POU6F2: variants seen among roughly 807,000 people sequenced by gnomAD.
The protein encoded by POU6F2 is POU class 6 homeobox 2.
POU6F2 carries 31 observed loss-of-function variants against 71.3 expected under a neutral mutation model. That is an observed-to-expected ratio of 0.43 (90% CI 0.33 to 0.59). The LOEUF (loss-of-function observed/expected upper bound fraction) is 0.59, where lower values mean the gene tolerates loss of function less well. Among genes scored for constraint, POU6F2 ranks in the 20% least tolerant of loss-of-function variants. The pLI is 0.04. For synonymous variants in POU6F2, 347 were observed against 355.7 expected (o/e 0.98, Z 0.27); for missense variants, 783 against 856.8 (o/e 0.91, Z 1.07).
At chr7:39,384,742 A>T (rs1000781791) in intron 5 of POU6F2, among the ~76,000 whole-genome samples, 1 of 152,158 alleles carries the variant, frequency 6.6e-6, no homozygotes, top group Non-Finnish European at 1.5e-5. Context: ...TCTCTTCCGC[A>T]GTTAGTCCTT....
chr7:39,464,932 G>A lies in POU6F2; in HGVS notation c.*246G>A. ...TTTTAAACAAGGAATACACCACACT[G>A]AAGGTGTGTGTGGTAGGATAGTTCC... On this transcript the variant is annotated 3_prime_UTR_variant, in exon 10 of 10. Transcript: ENST00000518318. The surrounding 1 kb of genome is among the most constrained non-coding windows in gnomAD (Gnocchi z 4.1). 3.8e-6 allele frequency: 2 copies of A among 521,558 alleles called. No individual in the cohort carries two copies. The highest frequency in any genetic ancestry group is 6.6e-6 in the Non-Finnish European group (2 of 301,368). The allele number at this position is 521,558 out of a possible 1,614,324, so 32.3% of individuals were successfully genotyped here.
intron 2 of POU6F2, among the ~76,000 whole-genome samples, chr7:39,093,630 G>GT: frequency 6.6e-6 from 1 of 152,018 alleles, no homozygotes; most frequent in South Asian, 2.1e-4. Flanking sequence ...CAAATATTTT[G>GT]TATTTCTTTA....
chr7:39,050,620 G>T (rs1037196987), intron 1 of POU6F2, among the ~76,000 whole-genome samples: 4 of 152,138 alleles, frequency 2.6e-5, no homozygotes, highest in African/African-American at 9.7e-5. Flanking sequence ...AAAATTTGTT[G>T]TCCTAATTCC....
chr7:39,254,207 GA>G (rs1446918956), intron 4 of POU6F2, among the ~76,000 whole-genome samples: 1 of 152,180 alleles, frequency 6.6e-6, no homozygotes, highest in East Asian at 1.9e-4. Context: ...AGAAAAGCTG[GA>G]AGACTGAGTA....
intron 1 of POU6F2, among the ~76,000 whole-genome samples, chr7:39,030,081 G>C (rs957586218): frequency 1.3e-5 from 2 of 151,806 alleles, no homozygotes; most frequent in Non-Finnish European, 2.9e-5. Context: ...TCTTTAAAAG[G>C]CTTTTTAAAA....
intron 1 of POU6F2, among the ~76,000 whole-genome samples, chr7:39,076,435 C>T (rs554144780): frequency 6.6e-6 from 1 of 152,300 alleles, no homozygotes; most frequent in South Asian, 2.1e-4. Flanking sequence ...TTGATAGGTG[C>T]AGCAAACCCT....
At chr7:39,377,223 C>T (rs900485876) in intron 5 of POU6F2, among the ~76,000 whole-genome samples, 2 of 150,672 alleles carry the variant, frequency 1.3e-5, no homozygotes, top group East Asian at 2.0e-4. Flanking sequence ...CTCCGCCTCC[C>T]GGGTTCAAGC....
chr7:39,333,170 A>G (rs1785692975), intron 4 of POU6F2, among the ~76,000 whole-genome samples: 2 of 152,130 alleles, frequency 1.3e-5, no homozygotes, highest in Admixed American at 1.3e-4. Flanking sequence ...CATAGCTTCT[A>G]CATTCTACTT....
At chr7:38,995,473 C>CA (rs1278949957) in intron 1 of POU6F2, among the ~76,000 whole-genome samples, 1 of 151,032 alleles carries the variant, frequency 6.6e-6, no homozygotes, top group Non-Finnish European at 1.5e-5. Flanking sequence ...AAGTATAATA[C>CA]AAAAAATAAA....
intron 1 of POU6F2, among the ~76,000 whole-genome samples, chr7:39,084,904 A>G (rs1270780447): frequency 1.3e-5 from 2 of 152,090 alleles, no homozygotes; most frequent in East Asian, 3.9e-4. Flanking sequence ...TGCATCCGAT[A>G]TTGTGCCAAA....
chr7:39,365,277 CAT>C (rs754959709), intron 5 of POU6F2, among the ~76,000 whole-genome samples: 6 of 152,078 alleles, frequency 3.9e-5, no homozygotes, highest in Non-Finnish European at 7.4e-5. Context: ...CAAACAAAAA[CAT>C]AAAGTGGGGA....
intron 6 of POU6F2, among the ~76,000 whole-genome samples, chr7:39,419,506 C>G (rs1369544498): frequency 6.6e-6 from 1 of 152,086 alleles, no homozygotes; most frequent in East Asian, 1.9e-4. Context: ...TCTCAAAGTG[C>G]TGGGGTTACA....
chr7:39,429,224 T>C (rs1431923987), intron 6 of POU6F2, among the ~76,000 whole-genome samples: 1 of 152,104 alleles, frequency 6.6e-6, no homozygotes, highest in African/African-American at 2.4e-5. Context: ...CCATCCCCCA[T>C]GTTTCTCACC....
At chr7:39,436,583 C>T (rs1788249261) in intron 7 of POU6F2, among the ~76,000 whole-genome samples, 1 of 152,144 alleles carries the variant, frequency 6.6e-6, no homozygotes, top group South Asian at 2.1e-4. Flanking sequence ...GACAATTTGA[C>T]TTCCTCTTTT....
At chr7:39,417,014 A>C (rs1787696384) in intron 6 of POU6F2, among the ~76,000 whole-genome samples, 1 of 152,196 alleles carries the variant, frequency 6.6e-6, no homozygotes, top group Non-Finnish European at 1.5e-5. Context: ...TTTTCCAACT[A>C]TAGAATGAAA....
chr7:39,406,549 T>C (rs1787433445), intron 5 of POU6F2, 51 bp from the exon 6 acceptor site: 1 of 1,593,726 alleles, frequency 6.3e-7, no homozygotes, highest in Non-Finnish European at 8.5e-7. Context: ...GTCCGTGTGC[T>C]GTGCCTGTGC....
intron 4 of POU6F2, among the ~76,000 whole-genome samples, chr7:39,260,234 C>T (rs1292492476): frequency 6.7e-6 from 1 of 150,124 alleles, no homozygotes; most frequent in Non-Finnish European, 1.5e-5. Flanking sequence ...ACATGCAATA[C>T]ACACACCACA....
At chr7:39,080,960 A>G (rs983774731) in intron 1 of POU6F2, among the ~76,000 whole-genome samples, 3 of 152,212 alleles carry the variant, frequency 2.0e-5, no homozygotes, top group African/African-American at 7.2e-5. Flanking sequence ...CGTGGTTAAA[A>G]AAACACAAAG....
chr7:39,321,798 G>A (rs1785397991), intron 4 of POU6F2, among the ~76,000 whole-genome samples: 1 of 151,878 alleles, frequency 6.6e-6, no homozygotes, highest in African/African-American at 2.4e-5. Flanking sequence ...GGAAAATGGA[G>A]GAGGAAGAAA....
Sources: gnomAD v4.1 joint callset for allele counts (sites outside exome capture counted in the v4.1 genomes callset) on GRCh38, gnomAD v4.1.1 for gene constraint, Gnocchi (gnomAD v3.1) non-coding constraint, MANE v1.5 for transcripts, NCBI Gene and HGNC (gene_info 2026-07-23, HGNC 2026-07-21) for gene names.